The following SLC10A1 variants were observed in gnomAD, a reference collection of about 807,000 sequenced individuals.
SLC10A1 encodes hepatic sodium/bile acid cotransporter.
A neutral mutation model predicts 20.5 loss-of-function variants in SLC10A1; 36 were observed. That is an observed-to-expected ratio of 1.75 (90% CI 1.34 to 2.32). SLC10A1 has a LOEUF of 2.32. SLC10A1 is among the 30% of genes most tolerant of loss of function. The pLI is 0.00. For synonymous variants in SLC10A1, 188 were observed against 163.6 expected (o/e 1.15, Z -1.14); for missense variants, 545 against 439.1 (o/e 1.24, Z -2.16).
In SLC10A1 at chr14:69,779,172, A is replaced by C. The variant is rs1486621774; in HGVS notation, c.746+10T>G. On this transcript the variant is annotated intron_variant, in intron 3 of 4. Coordinates refer to ENST00000216540, the MANE Select transcript of SLC10A1 (RefSeq NM_003049.4). ...TGAGACCCTTTCTTAAAAAAAAAAA[A>C]AATACCTACCGTCCATTGAGGCAGA... 1 of 1,569,500 alleles carries C rather than the reference A, an allele frequency of 6.4e-7. No individual in the cohort carries two copies. The highest frequency in any genetic ancestry group is 1.4e-5 in the African/African-American group (1 of 72,112).
At chr14:69,781,969 G>C (rs148262617) in intron 2 of SLC10A1, among the ~76,000 whole-genome samples, 8 of 152,352 alleles carry the variant, frequency 5.3e-5, no homozygotes, top group Middle Eastern at 3.4e-3. Context: ...TTATGTGTGC[G>C]TAAGAGGCTA....
rs141424790 is a variant in SLC10A1 at position 69,777,683 on chromosome 14, G to C, written c.943+650C>G. ...CTTGAGGTTCAATTTTATTTTGAAA[G>C]GTAATACTCTGAGCATTTTAGAGAA... On this transcript the variant is annotated intron_variant, in intron 4 of 4. Coordinates refer to ENST00000216540, the MANE Select transcript of SLC10A1 (RefSeq NM_003049.4). Among the ~76,000 whole-genome samples, 38 of 143,360 alleles carry C rather than the reference G, an allele frequency of 2.7e-4. No homozygotes were observed. The East Asian group carries it at 7.2e-3, about 27-fold the overall frequency. The allele number at this position is 143,360 out of a possible 152,430, so 94.0% of individuals were successfully genotyped here.
At position 69,777,592 on chromosome 14, in the gene SLC10A1, TTTTTTTTTTTTTTA is replaced by T. The variant is rs907799037; in HGVS notation, c.943+727_943+740del. Among the ~76,000 whole-genome samples, 24 of 97,638 alleles carry T rather than the reference TTTTTTTTTTTTTTA, an allele frequency of 2.5e-4. 1 individual carries two copies. In the South Asian group the frequency reaches 6.9e-3, roughly 28 times the overall value. The allele number at this position is 97,638 out of a possible 152,430, so 64.1% of individuals were successfully genotyped here. A position where few individuals can be genotyped will look rare whatever the true frequency, so the allele number is the denominator to read the frequency against. Reference sequence around the variant, plus strand: ...TTGAATGTCCTGTTTTTTTTTTTTTTTTTTTTTTTTTTTAAAATTGGTGTTAAAGTGCACTTTGA... The same window carrying T: ...TTGAATGTCCTGTTTTTTTTTTTTTTAAATTGGTGTTAAAGTGCACTTTGA... On this transcript the variant is annotated intron_variant, in intron 4 of 4. Transcript: ENST00000216540.
intron 4 of SLC10A1, 39 bp from the exon 5 acceptor site, chr14:69,776,427 CAAG>C (rs1566633510): frequency 6.7e-7 from 1 of 1,489,712 alleles, no homozygotes; most frequent in South Asian, 1.1e-5. Context: ...AGAGAGAGAA[CAAG>C]AGGAGTGAAC....
At chr14:69,780,091 G>A (rs907202111) in intron 2 of SLC10A1, among the ~76,000 whole-genome samples, 11 of 152,206 alleles carry the variant, frequency 7.2e-5, no homozygotes, top group Non-Finnish European at 1.6e-4. Context: ...ATAATAAGGG[G>A]ACAAACCTAC....
At chr14:69,787,514 T>G (rs1048936897) in intron 1 of SLC10A1, among the ~76,000 whole-genome samples, 4 of 152,260 alleles carry the variant, frequency 2.6e-5, no homozygotes, top group African/African-American at 9.6e-5. Flanking sequence ...TACACTTCTT[T>G]CATTATTTCT....
At chr14:69,793,423 T>A (rs1366747749) in intron 1 of SLC10A1, among the ~76,000 whole-genome samples, 1 of 152,140 alleles carries the variant, frequency 6.6e-6, no homozygotes, top group Non-Finnish European at 1.5e-5. Flanking sequence ...CACATTTGTT[T>A]TTTTTATTTT....
chr14:69,782,579 G>A (rs986109807), intron 2 of SLC10A1, among the ~76,000 whole-genome samples: 5 of 152,184 alleles, frequency 3.3e-5, no homozygotes, highest in East Asian at 3.9e-4. Context: ...AGGCCAAGGC[G>A]GGGAGATCAC....
chr14:69,790,447 T>C, intron 1 of SLC10A1, among the ~76,000 whole-genome samples: 1 of 152,172 alleles, frequency 6.6e-6, no homozygotes, highest in Non-Finnish European at 1.5e-5. Context: ...AATAAAATAT[T>C]AGCAAATAAG....
chr14:69,778,235 A>T, intron 4 of SLC10A1, 98 bp downstream of exon 4: 21 of 991,952 alleles, frequency 2.1e-5, no homozygotes, highest in Non-Finnish European at 3.0e-5. Context: ...TAAGAGTTAA[A>T]GCCCTATCCA....
At chr14:69,784,877 G>A (rs890931353) in intron 2 of SLC10A1, among the ~76,000 whole-genome samples, 2 of 152,122 alleles carry the variant, frequency 1.3e-5, no homozygotes, top group Admixed American at 6.5e-5. Context: ...TCCAGCAGGC[G>A]GGAAGGGGAG....
chr14:69,778,419 G>A lies in SLC10A1; in HGVS notation c.857C>T (p.Pro286Leu), dbSNP rs1883501688. The A allele has an allele frequency of 6.2e-7, 1 of 1,613,828 alleles. No homozygotes were observed. The highest frequency in any genetic ancestry group is 1.7e-5 in the Admixed American group (1 of 59,968). ...PEVIGPLFFF[P>L]LLYMIFQLGE... ...AAGCTGGAAAATCATGTAGAGGAGGGGAAAGAAGAAAAGTGGTCCAATGAC... is the reference window on the plus strand; with the variant it reads ...AAGCTGGAAAATCATGTAGAGGAGGAGAAAGAAGAAAAGTGGTCCAATGAC... Residue 286 changes from proline (P) to leucine (L), a missense_variant, in exon 4 of 5, where the codon CCC (proline) becomes CTC (leucine). Pro to Leu is a moderately conservative substitution (Grantham distance 98, BLOSUM62 -3). Transcript: ENST00000216540.
In SLC10A1 at chr14:69,783,556, C is replaced by G. The variant is rs1326306775; in HGVS notation, c.567+2541G>C. On this transcript the variant is annotated intron_variant, in intron 2 of 4. Transcript: ENST00000216540. ...AGAGTGTTCCAGGTGAAGAGAAGGGCACGTGCAAAGAGAAAAGAGCTGAGA... is the reference window on the plus strand; with the variant it reads ...AGAGTGTTCCAGGTGAAGAGAAGGGGACGTGCAAAGAGAAAAGAGCTGAGA... 2.6e-5 allele frequency among the ~76,000 whole-genome samples: 4 copies of G among 152,054 alleles called. 1 individual carries two copies. The highest frequency in any genetic ancestry group is 1.3e-4 in the Admixed American group (2 of 15,268).
In SLC10A1 at chr14:69,794,598, G is replaced by A. The variant is rs1352075345; in HGVS notation, c.356+2202C>T. ...AATCGTTGTCATTATTATAATGCAT[G>A]TAACAAGTTGTCCCAAATTGGAATG... is the stretch of plus-strand genomic sequence containing the variant. On this transcript the variant is annotated intron_variant, in intron 1 of 4. Transcript: ENST00000216540. Among the ~76,000 whole-genome samples the A allele has an allele frequency of 2.0e-5, 3 of 152,324 alleles. No individual in the cohort carries two copies. In the East Asian group the frequency reaches 5.8e-4, roughly 29 times the overall value.
rs1003825308 is a variant in SLC10A1 at position 69,776,282 on chromosome 14, C to G, written c.1050G>C (p.Ter350TyrextTer66). 1 of 1,611,678 alleles carries G rather than the reference C, an allele frequency of 6.2e-7. No homozygotes were observed. Among genetic ancestry groups the G allele is most frequent in the Non-Finnish European group, 8.5e-7 (1 of 1,179,004 alleles). The change falls in exon 5 of 5, where the codon TAG becomes TAC. Residue 350 changes from the stop codon to tyrosine, a stop_lost. Transcript: ENST00000216540. ...KGEDCSPCTA[*>Y] ...AGAATCCAGGCCACCAGGGGAAGGG[C>G]TAGGCTGTGCAAGGGGAGCAGTCCT...
rs1029285526 is a variant in SLC10A1, at chr14:69,797,180, A to G, written c.-25T>C. 6.3e-7 allele frequency: 1 copy of G among 1,575,946 alleles called. No homozygotes were observed. The highest frequency in any genetic ancestry group is 8.6e-7 in the Non-Finnish European group (1 of 1,156,740). ...TCCTCCTGTGAGGCAGTGGAAGACC[A>G]CTCCTTGTTCTCCGGCTGACTCCGT... is the stretch of plus-strand genomic sequence containing the variant. On this transcript the variant is annotated 5_prime_UTR_variant, in exon 1 of 5. Coordinates refer to ENST00000216540, the MANE Select transcript of SLC10A1 (RefSeq NM_003049.4).
chr14:69,791,490 C>T (rs966600194), intron 1 of SLC10A1, among the ~76,000 whole-genome samples: 5 of 152,018 alleles, frequency 3.3e-5, no homozygotes, highest in Non-Finnish European at 5.9e-5. Flanking sequence ...TTAGGAGAGA[C>T]GGGGTTTCAC....
intron 1 of SLC10A1, among the ~76,000 whole-genome samples, chr14:69,791,516 G>A (rs1883839450): frequency 6.6e-6 from 1 of 152,156 alleles, no homozygotes; most frequent in Non-Finnish European, 1.5e-5. Flanking sequence ...TAGCCAGGAT[G>A]GTTTCGATCT....
intron 4 of SLC10A1, among the ~76,000 whole-genome samples, chr14:69,777,534 G>A (rs958272434): frequency 6.8e-6 from 1 of 147,318 alleles, no homozygotes; most frequent in African/African-American, 2.5e-5. Context: ...TACTAATGTT[G>A]AGAGTTATAA....
Sources: gnomAD v4.1 joint callset for allele counts (sites outside exome capture counted in the v4.1 genomes callset) on GRCh38, gnomAD v4.1.1 for gene constraint, MANE v1.5 for transcripts, NCBI Gene and HGNC (gene_info 2026-07-23, HGNC 2026-07-21) for gene names.